TMEM232: variants seen among roughly 807,000 people sequenced by gnomAD.
TMEM232 encodes the protein transmembrane protein 232.
Under a neutral mutation model 78.8 loss-of-function variants are expected in TMEM232, and 80 were observed. The observed-to-expected ratio is 1.01, with a 90% CI of 0.85 to 1.22. The LOEUF is 1.22. Among genes scored for constraint, TMEM232 ranks in the 50% most tolerant of loss-of-function variants. The probability of loss-of-function intolerance (pLI) is 0.00; values close to 1 mark genes in which losing one functional copy is unlikely to be tolerated. For missense variants in TMEM232, 881 were observed against 742.2 expected, an observed-to-expected ratio of 1.19 and a Z score of -2.17; for synonymous variants, 297 against 254.3, an observed-to-expected ratio of 1.17 and a Z score of -1.60.
At chr5:110,655,806 AC>A (rs1187924731) in intron 2 of TMEM232, among the ~76,000 whole-genome samples, 1 of 151,046 alleles carries the variant, frequency 6.6e-6, no homozygotes, top group African/African-American at 2.4e-5. Flanking sequence ...TATCGCAAGG[AC>A]AAAAAACCAA....
At chr5:110,608,170 C>T (rs896980724) in intron 8 of TMEM232, among the ~76,000 whole-genome samples, 1 of 151,840 alleles carries the variant, frequency 6.6e-6, no homozygotes, top group African/African-American at 2.4e-5. Context: ...TTTATGTACC[C>T]TACCTCAGTC....
At chr5:110,575,278 T>C (rs1418744070) in intron 10 of TMEM232, among the ~76,000 whole-genome samples, 1 of 152,032 alleles carries the variant, frequency 6.6e-6, no homozygotes, top group African/African-American at 2.4e-5. Context: ...CAGAATAAAC[T>C]GAAGAGAACT....
intron 3 of TMEM232, among the ~76,000 whole-genome samples, chr5:110,392,671 G>C (rs960144810): frequency 1.3e-5 from 2 of 152,096 alleles, no homozygotes; most frequent in Non-Finnish European, 2.9e-5. Context: ...ATGACATCAT[G>C]AGGGCCCTAC....
At chr5:110,594,282 T>C (rs1779886091) in intron 10 of TMEM232, among the ~76,000 whole-genome samples, 1 of 152,082 alleles carries the variant, frequency 6.6e-6, no homozygotes, top group African/African-American at 2.4e-5. Flanking sequence ...GCCCAGATAC[T>C]ACATTTTTCC....
intron 10 of TMEM232, among the ~76,000 whole-genome samples, chr5:110,580,369 AC>A (rs1778050783): frequency 6.6e-6 from 1 of 151,736 alleles, no homozygotes; most frequent in South Asian, 2.1e-4. Context: ...AGTATTCAGT[AC>A]ATTAACATAC....
chr5:110,437,758 G>C (rs1346638505), intron 12 of TMEM232, among the ~76,000 whole-genome samples: 1 of 151,988 alleles, frequency 6.6e-6, no homozygotes, highest in Non-Finnish European at 1.5e-5. Flanking sequence ...GAGCTACAAA[G>C]GCACTTTTGT....
At chr5:110,640,291 G>A (rs1403546287) in intron 4 of TMEM232, among the ~76,000 whole-genome samples, 2 of 152,126 alleles carry the variant, frequency 1.3e-5, no homozygotes, top group East Asian at 3.9e-4. Flanking sequence ...TTACATGGGG[G>A]AAATTCTCTC....
chr5:110,554,119 C>T (rs896678976), intron 11 of TMEM232, among the ~76,000 whole-genome samples: 1 of 152,066 alleles, frequency 6.6e-6, no homozygotes, highest in African/African-American at 2.4e-5. Context: ...AAGTATTGAT[C>T]CTGGGTGTGT....
At chr5:110,628,360 A>G (rs559897101) in intron 5 of TMEM232, among the ~76,000 whole-genome samples, 1 of 152,278 alleles carries the variant, frequency 6.6e-6, no homozygotes, top group African/African-American at 2.4e-5. Context: ...GAACCATTGC[A>G]TTAGATAGTG....
intron 12 of TMEM232, among the ~76,000 whole-genome samples, chr5:110,426,399 T>TTGTA (rs1418447482): frequency 1.3e-5 from 2 of 152,038 alleles, no homozygotes; most frequent in African/African-American, 4.8e-5. Context: ...TAATGAATGT[T>TTGTA]TGTATGTTTG....
chr5:110,450,559 G>A (rs185777784), intron 12 of TMEM232, among the ~76,000 whole-genome samples: 15 of 152,138 alleles, frequency 9.9e-5, no homozygotes, highest in East Asian at 5.8e-4. Context: ...GGTTTAGCAC[G>A]AATGCAGGTA....
At chr5:110,575,572 G>C (rs1358822430) in intron 10 of TMEM232, among the ~76,000 whole-genome samples, 1 of 151,956 alleles carries the variant, frequency 6.6e-6, no homozygotes, top group African/African-American at 2.4e-5. Flanking sequence ...GGAGAGAAAT[G>C]GAAGGGGCGA....
chr5:110,667,248 T>G lies in TMEM232; in HGVS notation c.105A>C (p.Gly35=). The G allele has an allele frequency of 6.5e-7, 1 of 1,545,858 alleles. No individual in the cohort carries two copies. Among genetic ancestry groups the G allele is most frequent in the Non-Finnish European group, 8.7e-7 (1 of 1,143,372 alleles). The change falls in exon 2 of 14, where the codon GGA becomes GGC. Residue 35 remains glycine, a synonymous_variant. Coordinates refer to ENST00000455884, the MANE Select transcript of TMEM232 (RefSeq NM_001039763.4). ...LWKLNFQHLS[G]ERGHKSRPTF... is the part of the protein sequence containing the mutation. Reference sequence around the variant, plus strand: ...CTTACCTTGATTTATGACCCCTTTCTCCACTTAAATGTTGAAAATTTAATT... The same window carrying G: ...CTTACCTTGATTTATGACCCCTTTCGCCACTTAAATGTTGAAAATTTAATT...
chr5:110,681,475 T>C (rs1792739350), intron 1 of TMEM232, among the ~76,000 whole-genome samples: 1 of 152,214 alleles, frequency 6.6e-6, no homozygotes, highest in African/African-American at 2.4e-5. Context: ...TAAGCAGAGT[T>C]GCCTGAGGAT....
At chr5:110,674,807 T>G (rs1791814521) in intron 1 of TMEM232, among the ~76,000 whole-genome samples, 1 of 152,150 alleles carries the variant, frequency 6.6e-6, no homozygotes, top group Non-Finnish European at 1.5e-5. Context: ...GAGACAAACT[T>G]AGAGAACAAA....
intron 12 of TMEM232, among the ~76,000 whole-genome samples, chr5:110,469,074 T>C (rs907092468): frequency 6.6e-6 from 1 of 152,168 alleles, no homozygotes; most frequent in Admixed American, 6.5e-5. Context: ...CCTAAAGTTC[T>C]CACCACTGGG....
intron 12 of TMEM232, among the ~76,000 whole-genome samples, chr5:110,479,711 C>T (rs1322612636): frequency 1.3e-5 from 2 of 151,544 alleles, no homozygotes; most frequent in Non-Finnish European, 3.0e-5. Flanking sequence ...TTAATAGTCT[C>T]TGTTTTGTGG....
At chr5:110,489,625 TCTATTC>T (rs1222271653) in intron 12 of TMEM232, among the ~76,000 whole-genome samples, 6 of 152,136 alleles carry the variant, frequency 3.9e-5, no homozygotes, top group African/African-American at 1.4e-4. Context: ...TCTTGCTACT[TCTATTC>T]AATATTGTAC....
chr5:110,693,616 G>A (rs1029091274), intron 1 of TMEM232, among the ~76,000 whole-genome samples: 1 of 152,222 alleles, frequency 6.6e-6, no homozygotes, highest in South Asian at 2.1e-4. Flanking sequence ...TAAAGGACCT[G>A]ATGGAGCTGA....
Sources: allele counts gnomAD v4.1 joint callset (sites outside exome capture counted in the v4.1 genomes callset), GRCh38; gene constraint gnomAD v4.1.1; transcripts MANE v1.5; gene names NCBI Gene and HGNC (gene_info 2026-07-23, HGNC 2026-07-21).